Variants in LRBA observed in about 807,000 individuals in gnomAD.
The protein encoded by LRBA is LPS responsive beige-like anchor protein.
LRBA carries 176 observed loss-of-function variants against 330.0 expected under a neutral mutation model. That is an observed-to-expected ratio of 0.53 (90% confidence interval 0.47 to 0.60). The LOEUF (loss-of-function observed/expected upper bound fraction) is 0.60, where lower values mean the gene tolerates loss of function less well. Ranked by LOEUF, LRBA falls within the 20% of genes least tolerant of loss-of-function variation. The probability of loss-of-function intolerance (pLI) is 0.00; values close to 1 mark genes in which losing one functional copy is unlikely to be tolerated. For missense variants in LRBA, 3,259 were observed against 3,444.8 expected (o/e 0.95, Z 1.35); for synonymous variants, 1,230 against 1,193.0 (o/e 1.03, Z -0.64).
chr4:150,415,989 T>C (rs1253737424), intron 46 of LRBA, among the ~76,000 whole-genome samples: 1 of 152,212 alleles, frequency 6.6e-6, no homozygotes, highest in Admixed American at 6.5e-5. Context: ...AAAATCTTTC[T>C]AAGCATTAAA....
At chr4:150,803,109 CAT>C (rs1331936239) in intron 33 of LRBA, among the ~76,000 whole-genome samples, 4 of 144,008 alleles carry the variant, frequency 2.8e-5, no homozygotes, top group South Asian at 2.2e-4. Context: ...CACACACACA[CAT>C]ATATACACAC....
intron 2 of LRBA, among the ~76,000 whole-genome samples, chr4:151,006,057 T>C (rs541657162): frequency 1.4e-4 from 21 of 152,228 alleles, no homozygotes; most frequent in South Asian, 1.2e-3. Flanking sequence ...AAAAGAATAA[T>C]AGGGCAGGGC....
At chr4:150,844,246 C>A in intron 27 of LRBA, 39 bp from the exon 28 acceptor site, 1 of 925,504 alleles carries the variant, frequency 1.1e-6, no homozygotes, top group Admixed American at 2.1e-5. Context: ...TATATATATT[C>A]ATATATACAT....
Position 150,482,610 on chromosome 4 carries a change from C to T in LRBA, c.6551+5122G>A, listed in dbSNP as rs1757414873. Among the ~76,000 whole-genome samples, 6 of 152,140 alleles carry T rather than the reference C, an allele frequency of 3.9e-5. No individual in the cohort carries two copies. In the South Asian group the frequency reaches 1.2e-3, roughly 32 times the overall value. Reference sequence around the variant, plus strand: ...TATGGTTAATTCTATATGAAAGTGCCAAATTGTTTACAAAGAAGTCGTACC... The same window carrying T: ...TATGGTTAATTCTATATGAAAGTGCTAAATTGTTTACAAAGAAGTCGTACC... On this transcript the variant is annotated intron_variant, in intron 42 of 56. Transcript: ENST00000651943.
chr4:150,278,978 C>T (rs112652561), intron 55 of LRBA, among the ~76,000 whole-genome samples: 5 of 152,230 alleles, frequency 3.3e-5, no homozygotes, highest in African/African-American at 7.2e-5. Flanking sequence ...GTGCCCACCA[C>T]AACACCCGTC....
intron 52 of LRBA, among the ~76,000 whole-genome samples, chr4:150,305,447 G>C (rs888849512): frequency 2.0e-5 from 3 of 152,106 alleles, no homozygotes; most frequent in Non-Finnish European, 4.4e-5. Flanking sequence ...CAAATACTTA[G>C]CACCTATTAA....
intron 37 of LRBA, among the ~76,000 whole-genome samples, chr4:150,620,968 G>A (rs1220599898): frequency 6.6e-6 from 1 of 151,960 alleles, no homozygotes; most frequent in African/African-American, 2.4e-5. Context: ...AAAAAACTTA[G>A]AGCCACATAT....
chr4:150,589,924 C>A (rs2096863611), intron 39 of LRBA, among the ~76,000 whole-genome samples: 1 of 152,110 alleles, frequency 6.6e-6, no homozygotes, highest in Admixed American at 6.5e-5. Flanking sequence ...AGAGAAGATA[C>A]CATCTTCTCT....
intron 2 of LRBA, among the ~76,000 whole-genome samples, chr4:150,960,141 G>T (rs1327044439): frequency 2.7e-5 from 4 of 148,570 alleles, no homozygotes; most frequent in African/African-American, 1.0e-4. Context: ...TTTAATACAT[G>T]AAAAAATATA....
chr4:150,724,361 C>T (rs1582154517), intron 36 of LRBA, among the ~76,000 whole-genome samples: 2 of 152,274 alleles, frequency 1.3e-5, no homozygotes, highest in South Asian at 4.1e-4. Flanking sequence ...TCTAAGACCA[C>T]CAAAATGGTA....
intron 34 of LRBA, among the ~76,000 whole-genome samples, chr4:150,792,201 G>C (rs1462006808): frequency 7.2e-6 from 1 of 138,404 alleles, no homozygotes; most frequent in Non-Finnish European, 1.6e-5. Context: ...GTAAGTTTTA[G>C]TTAAAAAAAA....
rs959905869 is a variant in LRBA at position 150,534,307 on chromosome 4, G to A, written c.6331-43272C>T. Among the ~76,000 whole-genome samples the A allele has an allele frequency of 3.4e-5, 5 of 148,028 alleles. No homozygotes were observed. In the South Asian group the frequency reaches 1.1e-3, roughly 32 times the overall value. ...AGTTGTATACATATGTAACTAACCT[G>A]CACATTGTGCACATGTACCCTAAAA... is the stretch of plus-strand genomic sequence containing the variant. On this transcript the variant is annotated intron_variant, in intron 40 of 56. Coordinates refer to ENST00000651943, the MANE Select transcript of LRBA (RefSeq NM_001364905.1).
At chr4:150,320,739 C>T (rs1477410441) in intron 50 of LRBA, among the ~76,000 whole-genome samples, 8 of 152,084 alleles carry the variant, frequency 5.3e-5, no homozygotes, top group Admixed American at 5.2e-4. Context: ...CCCAGGAGTT[C>T]AAGGCTACAG....
chr4:150,596,266 C>T (rs1489144512), intron 38 of LRBA, among the ~76,000 whole-genome samples: 1 of 151,724 alleles, frequency 6.6e-6, no homozygotes, highest in East Asian at 1.9e-4. Context: ...TATTGATCGC[C>T]CAAACAGAGA....
intron 37 of LRBA, among the ~76,000 whole-genome samples, chr4:150,619,100 C>A: frequency 6.6e-6 from 1 of 152,032 alleles, no homozygotes. Context: ...ATTATCAATG[C>A]AAGTTTAAAA....
intron 35 of LRBA, among the ~76,000 whole-genome samples, chr4:150,743,868 A>G (rs1005957496): frequency 1.3e-5 from 2 of 152,230 alleles, no homozygotes; most frequent in Non-Finnish European, 2.9e-5. Flanking sequence ...AAAGGAAAAC[A>G]GAAAATCCTT....
chr4:150,990,657 GC>G (rs753572676), intron 2 of LRBA, among the ~76,000 whole-genome samples: 2 of 152,148 alleles, frequency 1.3e-5, no homozygotes, highest in Non-Finnish European at 2.9e-5. Flanking sequence ...GATCACTTGA[GC>G]CCAGGAGGTT....
intron 2 of LRBA, among the ~76,000 whole-genome samples, chr4:150,972,721 G>C (rs534558413): frequency 2.0e-5 from 3 of 152,234 alleles, no homozygotes; most frequent in Admixed American, 2.0e-4. Flanking sequence ...CAGCTTCCTG[G>C]CTCTTCATTT....
chr4:150,639,767 A>G (rs1212893189), intron 37 of LRBA, among the ~76,000 whole-genome samples: 83 of 6,752 alleles, frequency 0.012, 10 homozygotes, highest in Non-Finnish European at 0.022. Context: ...ATATATATAT[A>G]TATATATATA....
Sources: gnomAD v4.1 joint callset for allele counts (sites outside exome capture counted in the v4.1 genomes callset) on GRCh38, gnomAD v4.1.1 for gene constraint, MANE v1.5 for transcripts, NCBI Gene and HGNC (gene_info 2026-07-23, HGNC 2026-07-21) for gene names.